NKAIN3: variants seen among roughly 807,000 people sequenced by gnomAD.
NKAIN3 encodes the protein sodium/potassium-transporting ATPase subunit beta-1-interacting protein 3.
Under a neutral mutation model 30.2 loss-of-function variants are expected in NKAIN3, and 25 were observed. The observed-to-expected ratio is 0.83, with a 90% CI of 0.60 to 1.16. The LOEUF (loss-of-function observed/expected upper bound fraction) is 1.16, where lower values mean the gene tolerates loss of function less well. Among genes scored for constraint, NKAIN3 ranks in the 50% most tolerant of loss-of-function variants. NKAIN3 has a pLI of 0.00. For missense variants in NKAIN3, 225 were observed against 254.1 expected (o/e 0.89, Z 0.78); for synonymous variants, 91 against 89.6 (o/e 1.02, Z -0.09).
rs1823957019 is a variant in NKAIN3, at chr8:62,976,987, C to A, written c.*11580C>A. On this transcript the variant is annotated 3_prime_UTR_variant, in exon 7 of 7. Coordinates refer to ENST00000623646, the MANE Select transcript of NKAIN3 (RefSeq NM_001304533.3). ...GAAATTCTGGGTTGAAAATTCTTTTCTTTAAGAATGTTGAATATTAGCCCC... is the reference window on the plus strand; with the variant it reads ...GAAATTCTGGGTTGAAAATTCTTTTATTTAAGAATGTTGAATATTAGCCCC... Among the ~76,000 whole-genome samples the A allele has an allele frequency of 6.6e-6, 1 of 152,158 alleles. No homozygotes were observed. Among genetic ancestry groups the A allele is most frequent in the South Asian group, 2.1e-4 (1 of 4,830 alleles).
intron 3 of NKAIN3, among the ~76,000 whole-genome samples, chr8:62,701,915 C>T (rs1440074479): frequency 6.6e-6 from 1 of 152,160 alleles, no homozygotes; most frequent in Non-Finnish European, 1.5e-5. Flanking sequence ...CCACTTAACC[C>T]CATATACTCA....
intron 5 of NKAIN3, among the ~76,000 whole-genome samples, chr8:62,928,296 T>G (rs1048350939): frequency 2.6e-5 from 4 of 152,212 alleles, no homozygotes; most frequent in Non-Finnish European, 5.9e-5. Flanking sequence ...ACATTTTTCC[T>G]CATAGAAGGA....
At chr8:62,388,899 A>G (rs573831682) in intron 1 of NKAIN3, among the ~76,000 whole-genome samples, 3 of 152,298 alleles carry the variant, frequency 2.0e-5, no homozygotes, top group East Asian at 3.9e-4. Flanking sequence ...TAAATAAGCA[A>G]TTGGGTCATC....
intron 2 of NKAIN3, among the ~76,000 whole-genome samples, chr8:62,580,526 G>T (rs1251797150): frequency 6.6e-6 from 1 of 152,048 alleles, no homozygotes; most frequent in African/African-American, 2.4e-5. Context: ...CACTGATATT[G>T]CCTCACTAGA....
chr8:62,353,971 G>A (rs981068196), intron 1 of NKAIN3, among the ~76,000 whole-genome samples: 2 of 152,154 alleles, frequency 1.3e-5, no homozygotes, highest in African/African-American at 4.8e-5. Flanking sequence ...GTGTGCATAA[G>A]GGATTTGTGA....
At chr8:62,599,041 C>T (rs1055878951) in intron 3 of NKAIN3, among the ~76,000 whole-genome samples, 1 of 152,000 alleles carries the variant, frequency 6.6e-6, no homozygotes, top group African/African-American at 2.4e-5. Context: ...ATGGGGTAGT[C>T]TCAAGAAAAG....
At chr8:62,708,283 G>T (rs1418045760) in intron 3 of NKAIN3, among the ~76,000 whole-genome samples, 4 of 152,054 alleles carry the variant, frequency 2.6e-5, no homozygotes, top group Non-Finnish European at 5.9e-5. Context: ...ATTTTGATGG[G>T]AATTGCATTG....
intron 1 of NKAIN3, among the ~76,000 whole-genome samples, chr8:62,317,958 A>C (rs572948973): frequency 6.6e-6 from 1 of 152,256 alleles, no homozygotes; most frequent in East Asian, 1.9e-4. Context: ...TTCATTGAGC[A>C]GTGGTTTGTA....
chr8:62,860,791 T>A (rs936115702), intron 4 of NKAIN3, among the ~76,000 whole-genome samples: 1 of 152,230 alleles, frequency 6.6e-6, no homozygotes. Context: ...ACAACTTGTG[T>A]TCTTGCACAT....
intron 1 of NKAIN3, among the ~76,000 whole-genome samples, chr8:62,462,902 C>A (rs979615755): frequency 6.6e-6 from 1 of 152,114 alleles, no homozygotes; most frequent in African/African-American, 2.4e-5. Context: ...TTGGTGCAGT[C>A]CATTTTCACT....
chr8:62,509,177 G>T (rs1184938742), intron 1 of NKAIN3, among the ~76,000 whole-genome samples: 2 of 152,124 alleles, frequency 1.3e-5, no homozygotes, highest in African/African-American at 2.4e-5. Flanking sequence ...TAGAGAGTAG[G>T]AGATAATCAT....
At chr8:62,546,391 G>T (rs1809017189) in intron 1 of NKAIN3, among the ~76,000 whole-genome samples, 1 of 152,166 alleles carries the variant, frequency 6.6e-6, no homozygotes, top group Non-Finnish European at 1.5e-5. Context: ...TATGGCTGTT[G>T]CATTTCTGAT....
At chr8:62,498,724 T>C (rs71521939) in intron 1 of NKAIN3, among the ~76,000 whole-genome samples, 1 of 148,408 alleles carries the variant, frequency 6.7e-6, no homozygotes, top group African/African-American at 2.5e-5. Flanking sequence ...CTTTTTTTTT[T>C]TTTCCATTCA....
intron 3 of NKAIN3, among the ~76,000 whole-genome samples, chr8:62,682,032 A>C (rs954807840): frequency 6.6e-6 from 1 of 152,110 alleles, no homozygotes; most frequent in African/African-American, 2.4e-5. Context: ...GCATGTGGAG[A>C]CACATCATGA....
At chr8:62,343,422 A>T (rs1185933121) in intron 1 of NKAIN3, among the ~76,000 whole-genome samples, 3 of 152,054 alleles carry the variant, frequency 2.0e-5, no homozygotes, top group Non-Finnish European at 2.9e-5. Context: ...TTTCAACATT[A>T]TTCTCTCATT....
At chr8:62,457,528 T>A (rs1805857882) in intron 1 of NKAIN3, among the ~76,000 whole-genome samples, 1 of 152,220 alleles carries the variant, frequency 6.6e-6, no homozygotes, top group East Asian at 1.9e-4. Flanking sequence ...TTTGATATAA[T>A]TGAGCACTTG....
intron 3 of NKAIN3, among the ~76,000 whole-genome samples, chr8:62,729,632 A>G (rs1320925599): frequency 6.6e-6 from 1 of 152,012 alleles, no homozygotes; most frequent in Non-Finnish European, 1.5e-5. Flanking sequence ...TCTTTATTCA[A>G]CTTTTAAACT....
rs368944875 is a variant in NKAIN3 at position 62,469,441 on chromosome 8, C to T, written c.55-110098C>T. Among the ~76,000 whole-genome samples, 6 of 152,198 alleles carry T rather than the reference C, an allele frequency of 3.9e-5. No individual in the cohort carries two copies. The East Asian group carries it at 7.7e-4, about 20-fold the overall frequency. On this transcript the variant is annotated intron_variant, in intron 1 of 6. Coordinates refer to ENST00000623646, the MANE Select transcript of NKAIN3 (RefSeq NM_001304533.3). ...ATGAACCAAGTTATCTGAATATGAA[C>T]GTGAGCTCTCTACTCTACTGCCCCA...
In NKAIN3 at chr8:62,252,096, C is replaced by T. The variant is rs73256737; in HGVS notation, c.54+2969C>T. On this transcript the variant is annotated intron_variant, in intron 1 of 6. Coordinates refer to ENST00000623646, the MANE Select transcript of NKAIN3 (RefSeq NM_001304533.3). Reference sequence around the variant, plus strand: ...TTCAGCATATCATAGGATAGGGATCCCTGTTTCCTAGATCTGGTGCACTTT... The same window carrying T: ...TTCAGCATATCATAGGATAGGGATCTCTGTTTCCTAGATCTGGTGCACTTT... 9.9e-3 allele frequency among the ~76,000 whole-genome samples: 1,511 copies of T among 152,232 alleles called. 26 individuals are homozygous for T. The highest frequency in any genetic ancestry group is 0.035 in the African/African-American group (1,434 of 41,540).
Sources: gnomAD v4.1 joint callset for allele counts (sites outside exome capture counted in the v4.1 genomes callset) on GRCh38, gnomAD v4.1.1 for gene constraint, MANE v1.5 for transcripts, NCBI Gene and HGNC (gene_info 2026-07-23, HGNC 2026-07-21) for gene names.